AAMDC: variants seen among roughly 807,000 people sequenced by gnomAD.
AAMDC encodes the protein adipogenesis associated Mth938 domain containing.
AAMDC carries 16 observed loss-of-function variants against 15.5 expected under a neutral mutation model. That is an observed-to-expected ratio of 1.03 (90% CI 0.70 to 1.57). AAMDC has a LOEUF of 1.57. Among genes scored for constraint, AAMDC ranks in the 40% most tolerant of loss-of-function variants. AAMDC has a pLI of 0.00. For synonymous variants in AAMDC, 51 were observed against 51.6 expected (o/e 0.99, Z 0.05); for missense variants, 141 against 144.9 (o/e 0.97, Z 0.14).
chr11:77,827,119 C>A (rs904421070), intron 1 of AAMDC, among the ~76,000 whole-genome samples: 1 of 149,372 alleles, frequency 6.7e-6, no homozygotes, highest in African/African-American at 2.5e-5. Context: ...AAAAAAAAAT[C>A]GAATTGGGAA....
At chr11:77,826,101 C>A (rs375027068) in intron 1 of AAMDC, among the ~76,000 whole-genome samples, 1 of 152,014 alleles carries the variant, frequency 6.6e-6, no homozygotes, top group East Asian at 1.9e-4. Context: ...GAGCGGGTAG[C>A]CAGAAGCAGT....
At chr11:77,859,463 T>C (rs1950782582) in intron 2 of AAMDC, among the ~76,000 whole-genome samples, 1 of 152,232 alleles carries the variant, frequency 6.6e-6, no homozygotes, top group Non-Finnish European at 1.5e-5. Flanking sequence ...TTTCTCTCCA[T>C]ATTGCTGCAT....
chr11:77,899,473 A>G (rs1952681862), intron 5 of AAMDC, among the ~76,000 whole-genome samples: 2 of 152,048 alleles, frequency 1.3e-5, no homozygotes, highest in South Asian at 2.1e-4. Flanking sequence ...GGAGTTCGAG[A>G]CCAGCCTGGC....
intron 5 of AAMDC, among the ~76,000 whole-genome samples, chr11:77,894,667 C>T (rs1952435009): frequency 6.6e-6 from 1 of 152,172 alleles, no homozygotes. Context: ...GTGTCAAGTT[C>T]CCCTTCTGCA....
At chr11:77,866,955 C>T (rs1951144179) in intron 2 of AAMDC, among the ~76,000 whole-genome samples, 2 of 152,070 alleles carry the variant, frequency 1.3e-5, no homozygotes, top group South Asian at 2.1e-4. Context: ...ATTCTCCTGC[C>T]TCAGCCTCCT....
At chr11:77,843,285 T>C (rs187523780) in intron 2 of AAMDC, among the ~76,000 whole-genome samples, 2 of 152,356 alleles carry the variant, frequency 1.3e-5, no homozygotes, top group South Asian at 2.1e-4. Flanking sequence ...TCAAGTATTC[T>C]CAGTGTGCCA....
chr11:77,879,914 AG>A (rs1403303953), intron 5 of AAMDC, among the ~76,000 whole-genome samples: 1 of 152,340 alleles, frequency 6.6e-6, no homozygotes, highest in East Asian at 1.9e-4. Context: ...ACATTATGAA[AG>A]AAAGACTGTC....
downstream of AAMDC, among the ~76,000 whole-genome samples, chr11:77,901,045 T>C (rs1952762231): frequency 6.6e-6 from 1 of 152,310 alleles, no homozygotes; most frequent in Non-Finnish European, 1.5e-5. Flanking sequence ...TTTATCCTTA[T>C]TGCCTGAGAA....
At chr11:77,884,335 A>G (rs770103122) in intron 5 of AAMDC, among the ~76,000 whole-genome samples, 1 of 152,206 alleles carries the variant, frequency 6.6e-6, no homozygotes, top group Non-Finnish European at 1.5e-5. Context: ...ATTTGGAGTT[A>G]TTTTGTAATT....
intron 2 of AAMDC, 33 bp downstream of exon 2, chr11:77,842,661 A>G (rs1405633944): frequency 6.2e-7 from 1 of 1,604,406 alleles, no homozygotes. Context: ...ATACTACATG[A>G]GGCTGACCAA....
At chr11:77,855,094 G>T (rs1178589141) in intron 2 of AAMDC, among the ~76,000 whole-genome samples, 1 of 152,124 alleles carries the variant, frequency 6.6e-6, no homozygotes, top group Non-Finnish European at 1.5e-5. Flanking sequence ...GTGATGCAGG[G>T]TGCTATGACC....
At chr11:77,869,302 A>ATC (rs199686390) in intron 2 of AAMDC, 17,924 of 136,432 alleles carry the variant, frequency 0.13, 1,442 homozygotes, top group Non-Finnish European at 0.18. Context: ...TCGTTTATTT[A>ATC]TCTCTTTTTC....
chr11:77,870,329 A>ATTTTTT (rs965312288), intron 3 of AAMDC, among the ~76,000 whole-genome samples: 3 of 87,984 alleles, frequency 3.4e-5, no homozygotes, highest in African/African-American at 4.9e-5. Flanking sequence ...CTATTTTTTA[A>ATTTTTT]TTTTTTTTTT....
chr11:77,901,597 T>TA, downstream of AAMDC: 1 of 1,433,128 alleles, frequency 7.0e-7, no homozygotes, highest in Non-Finnish European at 9.8e-7. Flanking sequence ...ATCATAGTCT[T>TA]ACTTGAGAGC....
At chr11:77,879,081 A>C in intron 5 of AAMDC, 1 of 1,614,230 alleles carries the variant, frequency 6.2e-7, no homozygotes, top group Non-Finnish European at 8.5e-7. Flanking sequence ...GAATGCGAGC[A>C]CTGGAGTTGT....
chr11:77,846,645 G>A (rs1950160254), intron 2 of AAMDC, among the ~76,000 whole-genome samples: 1 of 152,222 alleles, frequency 6.6e-6, no homozygotes, highest in Non-Finnish European at 1.5e-5. Context: ...GGTGGAGGTT[G>A]CGGTGAGCCA....
At chr11:77,841,304 A>G (rs1027024369) in intron 1 of AAMDC, 4 of 691,142 alleles carry the variant, frequency 5.8e-6, no homozygotes, top group Non-Finnish European at 1.1e-5. Flanking sequence ...AAACCATAGC[A>G]CTAAACTAAA....
chr11:77,891,829 G>A (rs766961443), intron 5 of AAMDC: 2 of 1,611,444 alleles, frequency 1.2e-6, no homozygotes, highest in Non-Finnish European at 1.7e-6. Context: ...GGGCAAATCA[G>A]CGATGAAATA....
intron 2 of AAMDC, among the ~76,000 whole-genome samples, chr11:77,863,202 A>C (rs1442542525): frequency 2.0e-5 from 3 of 152,078 alleles, no homozygotes; most frequent in African/African-American, 7.2e-5. Context: ...CTTGATTAGG[A>C]CGAACCCGGG....
Sources: allele counts gnomAD v4.1 joint callset (sites outside exome capture counted in the v4.1 genomes callset), GRCh38; gene constraint gnomAD v4.1.1; transcripts MANE v1.5; gene names NCBI Gene and HGNC (gene_info 2026-07-23, HGNC 2026-07-21).